LATS2: variants seen among roughly 807,000 people sequenced by gnomAD.
LATS2 encodes the protein large tumor suppressor kinase 2.
Under a neutral mutation model 76.0 loss-of-function variants are expected in LATS2, and 24 were observed. The ratio of observed to expected loss-of-function variants is 0.32; its 90% confidence interval spans 0.23 to 0.44. The LOEUF is 0.44. LATS2 is among the 20% of genes least tolerant of loss of function. The pLI is 1.00. For synonymous variants in LATS2, 692 were observed against 635.4 expected, an observed-to-expected ratio of 1.09 and a Z score of -1.34; for missense variants, 1,286 against 1,481.2, an observed-to-expected ratio of 0.87 and a Z score of 2.16.
chr13:21,053,041 C>G (rs113347074), intron 1 of LATS2, among the ~76,000 whole-genome samples: 11,060 of 151,960 alleles, frequency 0.073, 446 homozygotes, highest in Non-Finnish European at 0.091. Flanking sequence ...TCGAGACCAT[C>G]CTGGCCAACA....
intron 2 of LATS2, among the ~76,000 whole-genome samples, chr13:21,009,193 A>G (rs11841726): frequency 0.16 from 24,795 of 152,120 alleles, 3,132 homozygotes; most frequent in East Asian, 0.51. Context: ...ATGAATGAAT[A>G]AAGAAGCAGA....
At position 20,973,514 on chromosome 13, in the gene LATS2, CTGTG is replaced by C. The variant is rs58156767; in HGVS notation, c.*1352_*1355del. The C allele has an allele frequency of 0.011, 2,240 of 206,166 alleles. No individual in the cohort carries two copies. Among genetic ancestry groups the C allele is most frequent in the Middle Eastern group, 0.033 (20 of 610 alleles). 12.8% of individuals were successfully genotyped at this position (206,166 alleles called of 1,614,324 possible). On this transcript the variant is annotated 3_prime_UTR_variant, in exon 8 of 8. Coordinates refer to ENST00000382592, the MANE Select transcript of LATS2 (RefSeq NM_014572.3). ...GAAATAAGGAATATTGTGTTTATCT[CTGTG>C]TGTGTGTGTGTGTGTGTATACACGC...
chr13:20,989,049 G>T lies in LATS2; in HGVS notation c.731C>A (p.Ala244Glu). The change falls in exon 4 of 8, where the codon GCA becomes GAA. Residue 244 changes from alanine to glutamate, a missense_variant. This residue lies in a region of LATS2 where 710 missense variants were observed against 660.9 expected (regional missense o/e 1.07). Coordinates refer to ENST00000382592, the MANE Select transcript of LATS2 (RefSeq NM_014572.3). ...GYGASVEAAGAHFPLQGAHYG... is the reference protein window; with the variant it reads ...GYGASVEAAGEHFPLQGAHYG... ...GTGCGCGCCCTGCAGCGGGAAGTGT[G>T]CCCCTGCTGCCTCTACGCTGGCACC... The T allele has an allele frequency of 1.3e-6, 2 of 1,573,704 alleles. No individual in the cohort carries two copies. Among genetic ancestry groups the T allele is most frequent in the Non-Finnish European group, 8.6e-7 (1 of 1,165,316 alleles).
Position 21,007,759 on chromosome 13 carries a change from TA to T in LATS2, c.343-16356del, listed in dbSNP as rs1455387462. Among the ~76,000 whole-genome samples, 29 of 5,668 alleles carry T rather than the reference TA, an allele frequency of 5.1e-3. 9 individuals carry two copies. The highest frequency in any genetic ancestry group is 9.1e-3 in the African/African-American group (17 of 1,866). 3.7% of individuals were successfully genotyped at this position (5,668 alleles called of 152,430 possible). On this transcript the variant is annotated intron_variant, in intron 2 of 7. Transcript: ENST00000382592. ...TAGTATATATATATATATATATATA[TA>T]TTTTTTTTTTTTTTTTGAGATGGAG...
intron 7 of LATS2, among the ~76,000 whole-genome samples, chr13:20,976,601 A>G (rs1413362042): frequency 6.6e-6 from 1 of 152,212 alleles, no homozygotes; most frequent in African/African-American, 2.4e-5. Flanking sequence ...AACAATAACA[A>G]AACCAAATAA....
chr13:21,042,075 T>C (rs1273145856), intron 2 of LATS2, among the ~76,000 whole-genome samples: 1 of 152,188 alleles, frequency 6.6e-6, no homozygotes, highest in Non-Finnish European at 1.5e-5. Flanking sequence ...AAAACTTACC[T>C]TTCCAATTCC....
At chr13:20,986,988 T>C (rs749695347) in intron 4 of LATS2, among the ~76,000 whole-genome samples, 6 of 151,934 alleles carry the variant, frequency 3.9e-5, no homozygotes, top group Admixed American at 6.6e-5. Context: ...AGGTCAAGAG[T>C]TCGAGACCAG....
At chr13:21,046,945 G>A (rs2138407527) in intron 1 of LATS2, among the ~76,000 whole-genome samples, 1 of 152,262 alleles carries the variant, frequency 6.6e-6, no homozygotes, top group East Asian at 1.9e-4. Context: ...TGACATGGAA[G>A]GGGACTGGTA....
At chr13:20,987,325 TTG>T (rs1870200599) in intron 4 of LATS2, among the ~76,000 whole-genome samples, 1 of 152,202 alleles carries the variant, frequency 6.6e-6, no homozygotes, top group Non-Finnish European at 1.5e-5. Flanking sequence ...ATTATTGGCT[TTG>T]TGTGATTTAA....
At chr13:20,982,376 A>T (rs1165907506) in intron 5 of LATS2, among the ~76,000 whole-genome samples, 2 of 152,196 alleles carry the variant, frequency 1.3e-5, no homozygotes, top group Non-Finnish European at 2.9e-5. Flanking sequence ...CAATGGCGCG[A>T]TCTCAGCTCA....
chr13:21,026,098 C>T lies in LATS2; in HGVS notation c.342+19587G>A, dbSNP rs986494433. Among the ~76,000 whole-genome samples, 3 of 152,256 alleles carry T rather than the reference C, an allele frequency of 2.0e-5. No individual in the cohort carries two copies. The Middle Eastern group carries it at 0.01, about 518-fold the overall frequency. On this transcript the variant is annotated intron_variant, in intron 2 of 7. Coordinates refer to ENST00000382592, the MANE Select transcript of LATS2 (RefSeq NM_014572.3). ...CAATCCCTGGAATACCCATCGGATG[C>T]CCCACCCTCCTCTAGGCATAAGAAA...
intron 2 of LATS2, among the ~76,000 whole-genome samples, chr13:21,023,666 A>C (rs1473853513): frequency 9.4e-6 from 1 of 106,062 alleles, no homozygotes; most frequent in East Asian, 2.6e-4. Context: ...AAAAAAAAAA[A>C]AAAAAAAAAA....
At position 20,974,349 on chromosome 13, in the gene LATS2, A is replaced by C. The variant is rs1050617480; in HGVS notation, c.*521T>G. On this transcript the variant is annotated 3_prime_UTR_variant, in exon 8 of 8. Transcript: ENST00000382592. ...TTATATCATTATATCACAATTTTGA[A>C]ACATGGGAAAAAATAAAAAACAAAA... 1.3e-5 allele frequency: 3 copies of C among 227,768 alleles called. No individual in the cohort carries two copies. The highest frequency in any genetic ancestry group is 2.7e-3 in the Middle Eastern group (2 of 754). 14.1% of individuals were successfully genotyped at this position (227,768 alleles called of 1,614,324 possible). A position where few individuals can be genotyped will look rare whatever the true frequency, so the allele number is the denominator to read the frequency against.
intron 2 of LATS2, among the ~76,000 whole-genome samples, chr13:21,009,693 A>C (rs776684800): frequency 1.3e-5 from 2 of 152,226 alleles, no homozygotes. Flanking sequence ...AAAATACAGA[A>C]ACCAGATGGA....
At chr13:21,009,374 T>C (rs1211913375) in intron 2 of LATS2, among the ~76,000 whole-genome samples, 2 of 152,150 alleles carry the variant, frequency 1.3e-5, no homozygotes, top group African/African-American at 2.4e-5. Flanking sequence ...CTCAGAAGCT[T>C]TGCAGAAACT....
intron 2 of LATS2, among the ~76,000 whole-genome samples, chr13:21,044,660 A>G (rs1250037765): frequency 6.6e-6 from 1 of 151,278 alleles, no homozygotes; most frequent in Non-Finnish European, 1.5e-5. Flanking sequence ...TTGCTAAGAG[A>G]TCATAAATGT....
intron 2 of LATS2, among the ~76,000 whole-genome samples, chr13:20,992,673 G>A (rs993646993): frequency 6.6e-6 from 1 of 152,160 alleles, no homozygotes; most frequent in Non-Finnish European, 1.5e-5. Flanking sequence ...AACCAGGCAG[G>A]AGGAAACTGA....
At chr13:21,009,963 G>A (rs1291106125) in intron 2 of LATS2, among the ~76,000 whole-genome samples, 2 of 152,184 alleles carry the variant, frequency 1.3e-5, no homozygotes, top group Non-Finnish European at 2.9e-5. Context: ...ACTTTGGGAG[G>A]GCGAGGTGGA....
chr13:21,004,329 G>A (rs193207660), intron 2 of LATS2, among the ~76,000 whole-genome samples: 46 of 151,888 alleles, frequency 3.0e-4, no homozygotes, highest in Non-Finnish European at 1.2e-4. Flanking sequence ...AGCTACTCGG[G>A]AGGCTGAGGC....
Sources: allele counts gnomAD v4.1 joint callset (sites outside exome capture counted in the v4.1 genomes callset), GRCh38; gene constraint gnomAD v4.1.1; regional missense constraint gnomAD v4.1.1; transcripts MANE v1.5; gene names NCBI Gene and HGNC (gene_info 2026-07-23, HGNC 2026-07-21).